TMEM50B: variants seen among roughly 807,000 people sequenced by gnomAD.
TMEM50B encodes the protein transmembrane protein 50B.
TMEM50B carries 14 observed loss-of-function variants against 23.4 expected under a neutral mutation model. The observed-to-expected ratio is 0.60, with a 90% CI of 0.39 to 0.93. TMEM50B has a LOEUF of 0.93. Among genes scored for constraint, TMEM50B ranks in the 40% least tolerant of loss-of-function variants. The pLI, the probability that TMEM50B is intolerant of heterozygous loss-of-function variation, is 0.00. For missense variants in TMEM50B, 159 were observed against 193.0 expected (o/e 0.82, Z 1.04); for synonymous variants, 64 against 62.3 (o/e 1.03, Z -0.13).
At chr21:33,441,144 C>T (rs990722784) in intron 7 of TMEM50B, among the ~76,000 whole-genome samples, 8 of 151,838 alleles carry the variant, frequency 5.3e-5, no homozygotes, top group Admixed American at 1.3e-4. Flanking sequence ...GCAGGAGAAT[C>T]GGTTGAACCC....
rs1019163783 is a variant in TMEM50B, at chr21:33,456,100, G to A, written c.374-316C>T. On this transcript the variant is annotated intron_variant, in intron 5 of 6. Coordinates refer to ENST00000542230, the MANE Select transcript of TMEM50B (RefSeq NM_006134.7). ...TCCTTTGCCTCCTATGGCCAACACT[G>A]AAATGCAAAATCGTAAAAACATACA... 5 of 591,698 alleles carry A rather than the reference G, an allele frequency of 8.5e-6. No individual in the cohort carries two copies. In the African/African-American group the frequency reaches 9.2e-5, roughly 11 times the overall value. 36.7% of individuals were successfully genotyped at this position (591,698 alleles called of 1,614,324 possible). A position where few individuals can be genotyped will look rare whatever the true frequency, so the allele number is the denominator to read the frequency against.
intron 4 of TMEM50B, among the ~76,000 whole-genome samples, chr21:33,461,955 AAAG>A (rs1486601606): frequency 1.3e-5 from 2 of 152,164 alleles, no homozygotes; most frequent in Non-Finnish European, 2.9e-5. Context: ...AAAAAAAGAA[AAAG>A]AAGTATGCTT....
chr21:33,435,882 CAAAAAAAAAA>C (rs35251279), intron 8 of TMEM50B, among the ~76,000 whole-genome samples: 2 of 48,246 alleles, frequency 4.1e-5, no homozygotes, highest in East Asian at 1.4e-3. Flanking sequence ...GACTCCGTCT[CAAAAAAAAAA>C]AAAAAAAAAA....
intron 5 of TMEM50B, among the ~76,000 whole-genome samples, chr21:33,459,157 G>C (rs968915257): frequency 6.6e-6 from 1 of 152,174 alleles, no homozygotes; most frequent in Non-Finnish European, 1.5e-5. Flanking sequence ...GAGGGCCAGT[G>C]AAACAGTCTT....
At chr21:33,443,902 G>T (rs868217735) in intron 7 of TMEM50B, among the ~76,000 whole-genome samples, 15 of 124,714 alleles carry the variant, frequency 1.2e-4, no homozygotes, top group Non-Finnish European at 2.2e-4. Context: ...GTTTTTTTTT[G>T]TTTGTTTGTT....
intron 7 of TMEM50B, among the ~76,000 whole-genome samples, chr21:33,442,121 C>T (rs1260956168): frequency 6.6e-6 from 1 of 152,140 alleles, no homozygotes; most frequent in East Asian, 1.9e-4. Flanking sequence ...AATATATTTG[C>T]TGTTTGCCAA....
rs200456913 is a variant in TMEM50B at position 33,474,015 on chromosome 21, TG to T, written c.-41-5090del. On this transcript the variant is annotated intron_variant, in intron 1 of 6. Transcript: ENST00000542230. ...AAGCGGATTAGTGGCTGTCTAGGGATGGGGAGAAGAAAGATACAAAGTGACT... is the reference window on the plus strand; with the variant it reads ...AAGCGGATTAGTGGCTGTCTAGGGATGGGAGAAGAAAGATACAAAGTGACT... Among the ~76,000 whole-genome samples the T allele has an allele frequency of 6.3e-3, 952 of 151,730 alleles. 13 individuals carry two copies. Among genetic ancestry groups the T allele is most frequent in the African/African-American group, 0.022 (896 of 41,266 alleles).
Position 33,449,219 on chromosome 21 carries a change from ACAGAGCTT to A in TMEM50B, c.*1591_*1598del. 1 of 152,362 alleles carries A rather than the reference ACAGAGCTT, an allele frequency of 6.6e-6. No homozygotes were observed. 9.4% of individuals were successfully genotyped at this position (152,362 alleles called of 1,614,324 possible). On this transcript the variant is annotated 3_prime_UTR_variant, in exon 7 of 7. Transcript: ENST00000542230. ...AGTCTTACAATTTGCTAGAAGCATG[ACAGAGCTT>A]ACTAACATTTTGAAGAAAAAACAGC... is the stretch of plus-strand genomic sequence containing the variant.
intron 8 of TMEM50B, among the ~76,000 whole-genome samples, chr21:33,436,474 G>A (rs113311486): frequency 5.3e-5 from 8 of 152,334 alleles, no homozygotes; most frequent in Non-Finnish European, 7.3e-5. Flanking sequence ...TATAATCCCA[G>A]CACTTTGGGA....
At chr21:33,451,493 G>A (rs2084119697) in intron 6 of TMEM50B, among the ~76,000 whole-genome samples, 1 of 152,116 alleles carries the variant, frequency 6.6e-6, no homozygotes. Flanking sequence ...GAAACATAAG[G>A]ATCAGACCTA....
At chr21:33,447,548 A>G (rs374320310), downstream of TMEM50B, among the ~76,000 whole-genome samples, 11 of 152,246 alleles carry the variant, frequency 7.2e-5, no homozygotes, top group East Asian at 3.9e-4. Flanking sequence ...AGTTCAATGC[A>G]CCCATGTCAA....
At chr21:33,479,595 G>A (rs1251195007) in intron 1 of TMEM50B, among the ~76,000 whole-genome samples, 2 of 152,224 alleles carry the variant, frequency 1.3e-5, no homozygotes, top group East Asian at 3.9e-4. Flanking sequence ...TGCGGGTCGC[G>A]GCGGCGCCAC....
exon 9 of TMEM50B, chr21:33,432,604 C>G: frequency 8.1e-7 from 1 of 1,238,274 alleles, no homozygotes; most frequent in Admixed American, 1.7e-5. Context: ...AGGGACTTGC[C>G]CATTTTACTA....
chr21:33,465,918 T>A (rs759762619), intron 3 of TMEM50B, among the ~76,000 whole-genome samples: 3 of 152,200 alleles, frequency 2.0e-5, no homozygotes, highest in Non-Finnish European at 4.4e-5. Flanking sequence ...TTTCCTTTTT[T>A]TAGAAGCCAC....
downstream of TMEM50B, among the ~76,000 whole-genome samples, chr21:33,447,754 G>A (rs1240009892): frequency 1.3e-5 from 2 of 150,562 alleles, no homozygotes; most frequent in African/African-American, 2.4e-5. Flanking sequence ...CAGCCTCTGG[G>A]TTTTTACTCA....
Position 33,472,869 on chromosome 21 carries a change from T to TC in TMEM50B, c.-41-3944dup, listed in dbSNP as rs573150725. Among the ~76,000 whole-genome samples, 120 of 146,390 alleles carry TC rather than the reference T, an allele frequency of 8.2e-4. 2 individuals are homozygous for TC. The East Asian group carries it at 0.02, about 24-fold the overall frequency. Reference sequence around the variant, plus strand: ...TCAGCCTGGGAAACAAGAACAAAACTCCATCTCAAAAAAAAAAAAGAATAA... The same window carrying TC: ...TCAGCCTGGGAAACAAGAACAAAACTCCCATCTCAAAAAAAAAAAAGAATAA... On this transcript the variant is annotated intron_variant, in intron 1 of 6. Transcript: ENST00000542230.
intron 6 of TMEM50B, among the ~76,000 whole-genome samples, chr21:33,452,298 G>C (rs1049528540): frequency 6.6e-6 from 1 of 152,240 alleles, no homozygotes; most frequent in Non-Finnish European, 1.5e-5. Flanking sequence ...GGTGGTCTGA[G>C]AGTGGAGGGA....
chr21:33,459,844 G>A (rs2084202171), intron 5 of TMEM50B, among the ~76,000 whole-genome samples: 1 of 151,378 alleles, frequency 6.6e-6, no homozygotes. Flanking sequence ...GAACAGTAAG[G>A]GAAAGCACAT....
At chr21:33,432,652 T>G (rs1425101967) in exon 9 of TMEM50B, 1 of 1,550,992 alleles carries the variant, frequency 6.4e-7, no homozygotes, top group Non-Finnish European at 8.9e-7. Context: ...GATGGAACAT[T>G]AACTGATGTT....
Sources: allele counts gnomAD v4.1 joint callset (sites outside exome capture counted in the v4.1 genomes callset), GRCh38; gene constraint gnomAD v4.1.1; transcripts MANE v1.5; gene names NCBI Gene and HGNC (gene_info 2026-07-23, HGNC 2026-07-21).